The following DNAH12 variants were observed in gnomAD, a reference collection of about 807,000 sequenced individuals.
The protein encoded by DNAH12 is dynein axonemal heavy chain 12, also known as axonemal beta dynein heavy chain 12.
A neutral mutation model predicts 371.5 loss-of-function variants in DNAH12; 285 were observed. That is an observed-to-expected ratio of 0.77 (90% confidence interval 0.70 to 0.85). The LOEUF is 0.85. DNAH12 is among the 40% of genes least tolerant of loss of function. DNAH12 has a pLI of 0.00. For synonymous variants in DNAH12, 1,200 were observed against 1,213.0 expected (o/e 0.99, Z 0.22); for missense variants, 3,611 against 3,689.4 (o/e 0.98, Z 0.55).
rs1363080087 is a variant in DNAH12, at chr3:57,356,488, T to TAAATAAAA, written c.9533+687_9533+688insTTTTATTT. ...ATAAATAAATAAATAAATAAATAAATAAAATAAAGAAAAAAGAAATGTGGG... is the reference window on the plus strand; with the variant it reads ...ATAAATAAATAAATAAATAAATAAATAAATAAAAAAAATAAAGAAAAAAGAAATGTGGG... On this transcript the variant is annotated intron_variant, in intron 59 of 73. Coordinates refer to ENST00000495027, the MANE Select transcript of DNAH12 (RefSeq NM_001366028.2). 4.2e-5 allele frequency among the ~76,000 whole-genome samples: 6 copies of TAAATAAAA among 141,658 alleles called. No individual in the cohort carries two copies. The East Asian group carries it at 1.0e-3, about 24-fold the overall frequency. The allele number at this position is 141,658 out of a possible 152,430, so 92.9% of individuals were successfully genotyped here.
At position 57,334,591 on chromosome 3, in the gene DNAH12, A is replaced by G. The variant is rs1268719352; in HGVS notation, c.9852T>C (p.His3284=). The G allele has an allele frequency of 6.5e-7, 1 of 1,539,562 alleles. No homozygotes were observed. ...FRGLRQHFCE[H]IYEWREIYDS... ...CATAGATTTCTCGCCATTCATATAT[A>G]TGTTCACAAAAATGTTGCCTAATAG... is the stretch of plus-strand genomic sequence containing the variant. Residue 3284 remains histidine, a synonymous_variant, in exon 62 of 74, where the codon CAT becomes CAC. Coordinates refer to ENST00000495027, the MANE Select transcript of DNAH12 (RefSeq NM_001366028.2).
In DNAH12 at chr3:57,384,517, G is replaced by C. The variant is rs999384909; in HGVS notation, c.7860+312C>G. 7.9e-3 allele frequency among the ~76,000 whole-genome samples: 1,208 copies of C among 152,074 alleles called. 13 individuals carry two copies. Among genetic ancestry groups the C allele is most frequent in the African/African-American group, 0.027 (1,127 of 41,488 alleles). On this transcript the variant is annotated intron_variant, in intron 49 of 73. Transcript: ENST00000495027. Reference sequence around the variant, plus strand: ...AGATTAGCCAGGCCTAGTGGTGTGTGTCTGTGATCCTAGTTACTGAGGAGG... The same window carrying C: ...AGATTAGCCAGGCCTAGTGGTGTGTCTCTGTGATCCTAGTTACTGAGGAGG...
intron 58 of DNAH12, among the ~76,000 whole-genome samples, chr3:57,362,387 T>C (rs1183156266): frequency 2.6e-5 from 4 of 152,232 alleles, no homozygotes; most frequent in African/African-American, 9.6e-5. Flanking sequence ...TACCCAGTAA[T>C]GGGATGGCTG....
intron 55 of DNAH12, among the ~76,000 whole-genome samples, chr3:57,371,553 C>CTGA (rs1425849461): frequency 1.3e-4 from 20 of 151,848 alleles, no homozygotes; most frequent in African/African-American, 4.8e-4. Context: ...CTACAAATGC[C>CTGA]TGTAGTTCCA....
At chr3:57,462,925 C>A (rs2066098807) in intron 17 of DNAH12, 50 bp from the exon 18 acceptor site, 13 of 1,290,040 alleles carry the variant, frequency 1.0e-5, no homozygotes, top group Non-Finnish European at 1.2e-5. Flanking sequence ...GACTTCCACA[C>A]ACATAGATTC....
Position 57,452,977 on chromosome 3 carries a change from G to A in DNAH12, c.3652C>T (p.Leu1218Phe), listed in dbSNP as rs2065798752. The change falls in exon 25 of 74, where the codon CTC becomes TTC. Residue 1218 changes from leucine to phenylalanine, a missense_variant. Physicochemically the swap from Leu to Phe is conservative, Grantham distance 22 (BLOSUM62 0). Transcript: ENST00000495027. ...HDTDFLWLAQ[L>F]RYYWENENAR... ...TTCTCATTTTCCCAATAATATCGGA[G>A]CTGAGCAAGCCACAGGAAATCTGTA... 2 of 1,550,572 alleles carry A rather than the reference G, an allele frequency of 1.3e-6. No individual in the cohort carries two copies. The highest frequency in any genetic ancestry group is 2.7e-5 in the African/African-American group (2 of 73,102).
At chr3:57,306,840 T>C (rs2061482404) in intron 69 of DNAH12, among the ~76,000 whole-genome samples, 1 of 152,184 alleles carries the variant, frequency 6.6e-6, no homozygotes, top group African/African-American at 2.4e-5. Flanking sequence ...ATCAACCAAA[T>C]TGTTTTGCCT....
intron 60 of DNAH12, among the ~76,000 whole-genome samples, chr3:57,338,641 A>G (rs1474702799): frequency 8.8e-6 from 1 of 113,040 alleles, no homozygotes; most frequent in African/African-American, 3.5e-5. Context: ...CCCCGTCTAG[A>G]AAGTGAGGAG....
intron 69 of DNAH12, among the ~76,000 whole-genome samples, chr3:57,306,633 C>T (rs1209332342): frequency 6.6e-6 from 1 of 152,114 alleles, no homozygotes; most frequent in East Asian, 1.9e-4. Context: ...CTTACCATCC[C>T]ATTAAAACCT....
intron 32 of DNAH12, 26 bp from the exon 33 acceptor site, chr3:57,429,800 TTA>T: frequency 6.7e-7 from 1 of 1,490,678 alleles, no homozygotes; most frequent in Non-Finnish European, 8.9e-7. Context: ...TTTCAAATGT[TTA>T]TTTTTTAAAA....
Position 57,470,651 on chromosome 3 carries a change from G to A in DNAH12, c.1912-15C>T. 1 of 1,510,778 alleles carries A rather than the reference G, an allele frequency of 6.6e-7. No individual in the cohort carries two copies. Among genetic ancestry groups the A allele is most frequent in the Non-Finnish European group, 8.8e-7 (1 of 1,134,740 alleles). The allele number at this position is 1,510,778 out of a possible 1,614,324, so 93.6% of individuals were successfully genotyped here. On this transcript the variant is annotated splice_polypyrimidine_tract_variant and intron_variant, in intron 15 of 73. Coordinates refer to ENST00000495027, the MANE Select transcript of DNAH12 (RefSeq NM_001366028.2). ...TCTGTCACATACTGAAAGTAAATAA[G>A]TTTTTTGTCTTAAAAAAAATTCAAG... is the stretch of plus-strand genomic sequence containing the variant.
chr3:57,308,832 C>T lies in DNAH12; in HGVS notation c.11189+319G>A, dbSNP rs374991769. On this transcript the variant is annotated intron_variant, in intron 69 of 73. Transcript: ENST00000495027. ...TCCTTTAATACCTGTTTTTCTTCTT[C>T]TCTTATTCCATTTAATTTTTTAATT... Among the ~76,000 whole-genome samples, 7 of 152,148 alleles carry T rather than the reference C, an allele frequency of 4.6e-5. No individual in the cohort carries two copies. In the East Asian group the frequency reaches 9.6e-4, roughly 21 times the overall value.
At chr3:57,484,690 G>C (rs760935356) in intron 12 of DNAH12, among the ~76,000 whole-genome samples, 1 of 151,870 alleles carries the variant, frequency 6.6e-6, no homozygotes, top group Non-Finnish European at 1.5e-5. Flanking sequence ...TAAATAAATG[G>C]GACCTAATTA....
intron 4 of DNAH12, among the ~76,000 whole-genome samples, chr3:57,513,232 C>G (rs1308650923): frequency 1.3e-5 from 2 of 151,884 alleles, no homozygotes; most frequent in African/African-American, 2.4e-5. Flanking sequence ...ATAGATGAAG[C>G]TGGAAGCCAT....
At chr3:57,547,495 T>G (rs949352548), upstream of DNAH12, among the ~76,000 whole-genome samples, 6 of 152,086 alleles carry the variant, frequency 3.9e-5, no homozygotes, top group Admixed American at 3.9e-4. Flanking sequence ...TTTCCAAAAG[T>G]GTGTTCTTTT....
At chr3:57,551,932 C>CT in the DNAH12 span, among the ~76,000 whole-genome samples, 102 of 139,976 alleles carry the variant, frequency 7.3e-4, no homozygotes, top group Middle Eastern at 7.2e-3. Context: ...AGACATTTTA[C>CT]TTTTTTTTTT....
intron 66 of DNAH12, among the ~76,000 whole-genome samples, chr3:57,311,702 A>G (rs2061587798): frequency 6.6e-6 from 1 of 152,206 alleles, no homozygotes; most frequent in Non-Finnish European, 1.5e-5. Context: ...GCAAAGAACT[A>G]TCTGGCCCAA....
intron 70 of DNAH12, among the ~76,000 whole-genome samples, chr3:57,300,124 T>G (rs1270034406): frequency 6.6e-6 from 1 of 152,188 alleles, no homozygotes; most frequent in Non-Finnish European, 1.5e-5. Flanking sequence ...GCAGATAGCC[T>G]CTTCTCTGCT....
intron 2 of DNAH12, among the ~76,000 whole-genome samples, chr3:57,541,774 T>C (rs1464065312): frequency 6.6e-6 from 1 of 152,102 alleles, no homozygotes; most frequent in Non-Finnish European, 1.5e-5. Flanking sequence ...GCTGGACTAA[T>C]ACAAATGTAA....
Sources: gnomAD v4.1 joint callset for allele counts (sites outside exome capture counted in the v4.1 genomes callset) on GRCh38, gnomAD v4.1.1 for gene constraint, MANE v1.5 for transcripts, NCBI Gene and HGNC (gene_info 2026-07-23, HGNC 2026-07-21) for gene names.